TAFA2: variants seen among roughly 807,000 people sequenced by gnomAD.
TAFA2 encodes TAFA chemokine like family member 2.
A neutral mutation model predicts 18.8 loss-of-function variants in TAFA2; 7 were observed. The observed-to-expected ratio is 0.37, with a 90% confidence interval of 0.21 to 0.70. The LOEUF is 0.70. Among genes scored for constraint, TAFA2 ranks in the 30% least tolerant of loss-of-function variants. The probability of loss-of-function intolerance (pLI) is 0.53; values close to 1 mark genes in which losing one functional copy is unlikely to be tolerated. For missense variants in TAFA2, 122 were observed against 158.1 expected, an observed-to-expected ratio of 0.77 and a Z score of 1.23; for synonymous variants, 60 against 54.2, an observed-to-expected ratio of 1.11 and a Z score of -0.47.
chr12:62,148,432 T>C (rs11836759), intron 1 of TAFA2, among the ~76,000 whole-genome samples: 39 of 152,194 alleles, frequency 2.6e-4, no homozygotes, highest in African/African-American at 8.9e-4. Context: ...CCTAAGCGAA[T>C]TGATATAGAA....
intron 1 of TAFA2, among the ~76,000 whole-genome samples, chr12:62,018,316 T>C (rs1881005964): frequency 6.6e-6 from 1 of 152,218 alleles, no homozygotes; most frequent in Admixed American, 6.5e-5. Flanking sequence ...CCAGTATTAT[T>C]ATTCTCCTTC....
chr12:61,839,916 G>T (rs768516146), intron 2 of TAFA2, among the ~76,000 whole-genome samples: 8 of 151,936 alleles, frequency 5.3e-5, no homozygotes, highest in Admixed American at 2.0e-4. Flanking sequence ...GTCAATATAA[G>T]AATACTGAGA....
rs577912978 is a variant in TAFA2, at chr12:62,039,728, C to CTG, written c.-2+151530_-2+151531insCA. Reference sequence around the variant, plus strand: ...CATGAACAATCCTGAGATGCATATACACTTGCACAATCAACTTACAAGCTC... The same window carrying CTG: ...CATGAACAATCCTGAGATGCATATACTGACTTGCACAATCAACTTACAAGCTC... On this transcript the variant is annotated intron_variant, in intron 1 of 4. Transcript: ENST00000416284. Among the ~76,000 whole-genome samples, 7 of 152,264 alleles carry CTG rather than the reference C, an allele frequency of 4.6e-5. No individual in the cohort carries two copies. In the South Asian group the frequency reaches 1.4e-3, roughly 32 times the overall value.
At chr12:62,018,379 T>C (rs984886845) in intron 1 of TAFA2, among the ~76,000 whole-genome samples, 1 of 152,176 alleles carries the variant, frequency 6.6e-6, no homozygotes, top group Admixed American at 6.5e-5. Context: ...GATATCACCA[T>C]TTATTCACAC....
At chr12:61,879,856 G>A in intron 1 of TAFA2, 1 of 1,018,056 alleles carries the variant, frequency 9.8e-7, no homozygotes, top group South Asian at 1.3e-5. Context: ...TCAAGAAGAA[G>A]TACCATGATG....
At chr12:61,967,195 G>A (rs1410846899) in intron 1 of TAFA2, among the ~76,000 whole-genome samples, 1 of 151,718 alleles carries the variant, frequency 6.6e-6, no homozygotes, top group Non-Finnish European at 1.5e-5. Context: ...GTACTTTTCT[G>A]TAACCAGGCA....
intron 2 of TAFA2, among the ~76,000 whole-genome samples, chr12:61,862,785 G>A (rs1874180983): frequency 6.6e-6 from 1 of 151,998 alleles, no homozygotes; most frequent in African/African-American, 2.4e-5. Flanking sequence ...TGACTCTACT[G>A]GAAACTTTAG....
At chr12:61,978,579 T>C (rs1879519184) in intron 1 of TAFA2, among the ~76,000 whole-genome samples, 1 of 151,924 alleles carries the variant, frequency 6.6e-6, no homozygotes, top group Admixed American at 6.6e-5. Context: ...CCGCACACAT[T>C]AGAACTGGAT....
chr12:62,084,464 T>A (rs1157210148), intron 1 of TAFA2, among the ~76,000 whole-genome samples: 2 of 152,180 alleles, frequency 1.3e-5, no homozygotes. Flanking sequence ...GCATATTTAC[T>A]AACGCAGAGT....
upstream of TAFA2, among the ~76,000 whole-genome samples, chr12:62,196,254 T>G (rs569611689): frequency 6.6e-6 from 1 of 152,380 alleles, no homozygotes; most frequent in African/African-American, 2.4e-5. Flanking sequence ...TGATTTTCTA[T>G]CTAGACCACC....
chr12:61,914,922 G>A (rs944698628), intron 1 of TAFA2, among the ~76,000 whole-genome samples: 2 of 152,168 alleles, frequency 1.3e-5, no homozygotes, highest in Non-Finnish European at 2.9e-5. Flanking sequence ...CAGCACTTTG[G>A]GAAGCTAAGG....
chr12:61,970,898 T>C (rs928934511), intron 1 of TAFA2, among the ~76,000 whole-genome samples: 1 of 151,578 alleles, frequency 6.6e-6, no homozygotes, highest in Admixed American at 6.6e-5. Context: ...AAAAAGAATC[T>C]AGAAGGCTAA....
chr12:62,069,863 C>A (rs1882582951), intron 1 of TAFA2, among the ~76,000 whole-genome samples: 1 of 152,164 alleles, frequency 6.6e-6, no homozygotes, highest in South Asian at 2.1e-4. Flanking sequence ...TAAAATAACA[C>A]TTTTATTTAG....
intron 1 of TAFA2, among the ~76,000 whole-genome samples, chr12:62,090,314 A>G (rs989090194): frequency 1.3e-5 from 2 of 152,130 alleles, no homozygotes; most frequent in African/African-American, 2.4e-5. Context: ...TTGACTCTGA[A>G]CAAAATGCCT....
At chr12:61,826,008 G>A (rs2121071223) in intron 2 of TAFA2, among the ~76,000 whole-genome samples, 1 of 152,102 alleles carries the variant, frequency 6.6e-6, no homozygotes, top group South Asian at 2.1e-4. Context: ...TATCCTTTGA[G>A]CAATTTTCTG....
At chr12:62,187,150 G>A (rs762738642) in intron 1 of TAFA2, among the ~76,000 whole-genome samples, 3 of 152,140 alleles carry the variant, frequency 2.0e-5, no homozygotes, top group Non-Finnish European at 2.9e-5. Flanking sequence ...TATGTTCAGC[G>A]TTCAAAATGT....
At chr12:62,033,389 A>G (rs915341202) in intron 1 of TAFA2, among the ~76,000 whole-genome samples, 1 of 152,114 alleles carries the variant, frequency 6.6e-6, no homozygotes, top group Non-Finnish European at 1.5e-5. Context: ...CACAGACTAC[A>G]TCGGCCCTTA....
At chr12:62,186,604 G>T (rs544561193) in intron 1 of TAFA2, among the ~76,000 whole-genome samples, 2 of 152,216 alleles carry the variant, frequency 1.3e-5, no homozygotes, top group East Asian at 3.9e-4. Context: ...GACTATGTTT[G>T]TACTATTGCT....
chr12:61,928,514 C>A (rs1042488217), intron 1 of TAFA2, among the ~76,000 whole-genome samples: 1 of 152,100 alleles, frequency 6.6e-6, no homozygotes, highest in African/African-American at 2.4e-5. Flanking sequence ...AGTCAGGAAA[C>A]AACAGCTGCT....
Sources: allele counts gnomAD v4.1 joint callset (sites outside exome capture counted in the v4.1 genomes callset), GRCh38; gene constraint gnomAD v4.1.1; transcripts MANE v1.5; gene names NCBI Gene and HGNC (gene_info 2026-07-23, HGNC 2026-07-21).